NVL: variants seen among roughly 807,000 people sequenced by gnomAD.
NVL encodes nuclear VCP like.
In NVL, 84 loss-of-function variants were observed where a neutral mutation model predicts 110.2. That is an observed-to-expected ratio of 0.76 (90% CI 0.64 to 0.91). The LOEUF (loss-of-function observed/expected upper bound fraction) is 0.91, where lower values mean the gene tolerates loss of function less well. Among genes scored for constraint, NVL ranks in the 40% least tolerant of loss-of-function variants. The probability of loss-of-function intolerance (pLI) is 0.00; values close to 1 mark genes in which losing one functional copy is unlikely to be tolerated. For missense variants in NVL, 882 were observed against 1,035.9 expected (o/e 0.85, Z 2.04); for synonymous variants, 354 against 361.1 (o/e 0.98, Z 0.22).
chr1:224,250,075 C>T, intron 19 of NVL, 137 bp downstream of exon 19: 2 of 728,662 alleles, frequency 2.7e-6, no homozygotes, highest in South Asian at 2.1e-5. Context: ...GTTCACCTTC[C>T]CTTTGGGAGA....
At chr1:224,239,721 C>T (rs568273420) in intron 19 of NVL, among the ~76,000 whole-genome samples, 3 of 152,242 alleles carry the variant, frequency 2.0e-5, no homozygotes, top group Admixed American at 1.3e-4. Flanking sequence ...CCTGTGCATC[C>T]TCAGAGTGCA....
At chr1:224,291,548 CAA>C (rs1421864049) in intron 12 of NVL, among the ~76,000 whole-genome samples, 3 of 152,136 alleles carry the variant, frequency 2.0e-5, no homozygotes, top group East Asian at 3.8e-4. Context: ...ACATTACTGA[CAA>C]ATTTTTTAAA....
chr1:224,329,346 AGAG>A (rs61050449), intron 1 of NVL, among the ~76,000 whole-genome samples: 128,406 of 151,994 alleles, frequency 0.84, 56,157 homozygotes, highest in Non-Finnish European at 0.94. Flanking sequence ...GTATGAGGAA[AGAG>A]GAGGAAGGGG....
chr1:224,317,660 T>C (rs1670224233), intron 4 of NVL, 34 bp downstream of exon 4: 1 of 1,246,640 alleles, frequency 8.0e-7, no homozygotes, highest in Admixed American at 1.8e-5. Flanking sequence ...ATAAAGTTCA[T>C]GGTTTAAAAA....
At chr1:224,283,029 G>C (rs761983056) in intron 15 of NVL, among the ~76,000 whole-genome samples, 15 of 152,148 alleles carry the variant, frequency 9.9e-5, no homozygotes, top group Non-Finnish European at 1.9e-4. Flanking sequence ...TGGGCACATA[G>C]TCTTGCACCC....
chr1:224,267,989 G>C, intron 18 of NVL, 45 bp downstream of exon 18: 2 of 1,322,626 alleles, frequency 1.5e-6, no homozygotes, highest in Non-Finnish European at 1.1e-6. Flanking sequence ...CGGAAATGCT[G>C]TAAGTTTTTA....
Position 224,251,792 on chromosome 1 carries a change from AG to A in NVL, c.2183-1475del, listed in dbSNP as rs142207468. Among the ~76,000 whole-genome samples the A allele has an allele frequency of 2.6e-3, 398 of 152,236 alleles. 3 individuals carry two copies. Among genetic ancestry groups the A allele is most frequent in the African/African-American group, 9.1e-3 (380 of 41,544 alleles). ...CCACCCTACCTCCCAAATACCAGGCAGGTTTCTCCCTTCCCTCTAACCAATT... is the reference window on the plus strand; with the variant it reads ...CCACCCTACCTCCCAAATACCAGGCAGTTTCTCCCTTCCCTCTAACCAATT... On this transcript the variant is annotated intron_variant, in intron 18 of 22. Transcript: ENST00000281701.
chr1:224,272,022 C>G (rs1210781308), intron 17 of NVL, among the ~76,000 whole-genome samples: 1 of 149,578 alleles, frequency 6.7e-6, no homozygotes, highest in African/African-American at 2.5e-5. Flanking sequence ...TCAAAAAAAA[C>G]AGAATGCATT....
At chr1:224,316,676 A>AAG (rs1317799100) in intron 4 of NVL, among the ~76,000 whole-genome samples, 2 of 150,808 alleles carry the variant, frequency 1.3e-5, no homozygotes, top group African/African-American at 2.4e-5. Context: ...AAAAAAAAAA[A>AAG]AAGAAAAAGA....
intron 22 of NVL, among the ~76,000 whole-genome samples, chr1:224,230,270 G>A (rs922022632): frequency 7.2e-5 from 11 of 152,186 alleles, no homozygotes; most frequent in African/African-American, 2.7e-4. Context: ...ATCAAAAAGC[G>A]TAGAGTAGGT....
At chr1:224,274,582 A>T (rs1165711046) in intron 17 of NVL, among the ~76,000 whole-genome samples, 3 of 152,120 alleles carry the variant, frequency 2.0e-5, no homozygotes, top group Non-Finnish European at 2.9e-5. Context: ...AGTTGCAGTG[A>T]GCCGAGATGC....
chr1:224,281,286 T>A, intron 15 of NVL, 101 bp from the exon 16 acceptor site: 1 of 620,484 alleles, frequency 1.6e-6, no homozygotes, highest in Non-Finnish European at 2.7e-6. Context: ...TCTGTGTGCG[T>A]GTGTGTGTGT....
At chr1:224,301,827 A>AAGAGAGAC (rs1270871264) in intron 9 of NVL, 1 of 167,150 alleles carries the variant, frequency 6.0e-6, no homozygotes, top group East Asian at 1.9e-4. Context: ...AAAAAGAGAG[A>AAGAGAGAC]AGAGAGACTA....
intron 16 of NVL, among the ~76,000 whole-genome samples, chr1:224,277,727 T>A (rs1164802086): frequency 6.6e-6 from 1 of 152,230 alleles, no homozygotes; most frequent in East Asian, 1.9e-4. Context: ...ACCATTTTAT[T>A]CTGGCTTTTG....
At chr1:224,277,062 A>T (rs1424841297) in intron 16 of NVL, among the ~76,000 whole-genome samples, 1 of 152,090 alleles carries the variant, frequency 6.6e-6, no homozygotes, top group Non-Finnish European at 1.5e-5. Context: ...TTGCTCTTAA[A>T]GTACTTTGTA....
chr1:224,302,779 G>A lies in NVL; in HGVS notation c.960+944C>T, dbSNP rs1326713475. On this transcript the variant is annotated intron_variant, in intron 9 of 22. Coordinates refer to ENST00000281701, the MANE Select transcript of NVL (RefSeq NM_002533.4). ...TAGAACCACTGGGAGGGCAGGTGCA[G>A]TGGCCCATGCCTGTAATCCCAGCAC... Among the ~76,000 whole-genome samples the A allele has an allele frequency of 2.0e-5, 3 of 152,216 alleles. No homozygotes were observed. In the South Asian group the frequency reaches 6.2e-4, roughly 32 times the overall value.
At chr1:224,297,189 A>C (rs1428036335) in intron 10 of NVL, among the ~76,000 whole-genome samples, 4 of 152,218 alleles carry the variant, frequency 2.6e-5, no homozygotes, top group Non-Finnish European at 4.4e-5. Flanking sequence ...AGTGGCATTA[A>C]ATATTTTCAG....
At chr1:224,283,165 AG>A (rs1666536479) in intron 15 of NVL, among the ~76,000 whole-genome samples, 1 of 152,196 alleles carries the variant, frequency 6.6e-6, no homozygotes, top group African/African-American at 2.4e-5. Flanking sequence ...CCTAGGTAAG[AG>A]TCCCTGCTCC....
chr1:224,279,747 T>A (rs1180325443), intron 16 of NVL, among the ~76,000 whole-genome samples: 6 of 152,202 alleles, frequency 3.9e-5, no homozygotes, highest in Non-Finnish European at 5.9e-5. Flanking sequence ...AATATGATTT[T>A]AAAATGTCAT....
Sources: allele counts gnomAD v4.1 joint callset (sites outside exome capture counted in the v4.1 genomes callset), GRCh38; gene constraint gnomAD v4.1.1; transcripts MANE v1.5; gene names NCBI Gene and HGNC (gene_info 2026-07-23, HGNC 2026-07-21).